The following TM7SF3 variants were observed in gnomAD, a reference collection of about 807,000 sequenced individuals.
TM7SF3 encodes the protein transmembrane 7 superfamily member 3, also known as seven span transmembrane protein.
A neutral mutation model predicts 65.5 loss-of-function variants in TM7SF3; 60 were observed. The ratio of observed to expected loss-of-function variants is 0.92; its 90% confidence interval spans 0.74 to 1.14. The LOEUF is 1.14. Ranked by LOEUF, TM7SF3 falls within the 50% of genes most tolerant of loss-of-function variation. TM7SF3 has a pLI of 0.00. For missense variants in TM7SF3, 623 were observed against 684.8 expected (o/e 0.91, Z 1.01); for synonymous variants, 264 against 259.6 (o/e 1.02, Z -0.16).
chr12:26,987,439 C>T (rs1940149009), intron 6 of TM7SF3, among the ~76,000 whole-genome samples: 1 of 152,146 alleles, frequency 6.6e-6, no homozygotes, highest in Non-Finnish European at 1.5e-5. Context: ...TCATCCAATC[C>T]ATCAGTACAC....
At chr12:26,980,310 A>G in intron 8 of TM7SF3, 3 of 535,294 alleles carry the variant, frequency 5.6e-6, no homozygotes, top group Non-Finnish European at 9.8e-6. Context: ...AACATATCAC[A>G]TAGCCAGAAC....
chr12:26,984,221 G>C (rs1319476716), intron 6 of TM7SF3, among the ~76,000 whole-genome samples: 1 of 152,134 alleles, frequency 6.6e-6, no homozygotes, highest in African/African-American at 2.4e-5. Flanking sequence ...CTTGAGGTCA[G>C]GAGTTTGAGA....
intron 11 of TM7SF3, 49 bp from the exon 12 acceptor site, chr12:26,974,276 C>G: frequency 6.4e-7 from 1 of 1,564,480 alleles, no homozygotes; most frequent in Non-Finnish European, 8.7e-7. Context: ...ATTTTAAAAT[C>G]TAACATAATA....
chr12:26,997,823 C>CTTTTTTT (rs3071165), intron 3 of TM7SF3, among the ~76,000 whole-genome samples: 4 of 114,062 alleles, frequency 3.5e-5, no homozygotes, highest in Non-Finnish European at 5.1e-5. Context: ...TTACCACTTC[C>CTTTTTTT]TTTTTTTTTT....
At position 26,973,115 on chromosome 12, in the gene TM7SF3, T is replaced by G. The variant is rs1484914568; in HGVS notation, c.*850A>C. On this transcript the variant is annotated 3_prime_UTR_variant, in exon 12 of 12. Coordinates refer to ENST00000343028, the MANE Select transcript of TM7SF3 (RefSeq NM_016551.3). ...AAAACAAAGGGTAACTTTTGGATAA[T>G]GTATGATACTAAGAAGGGCATGCAA... 6.6e-6 allele frequency: 1 copy of G among 151,688 alleles called. No individual in the cohort carries two copies. The highest frequency in any genetic ancestry group is 2.1e-4 in the South Asian group (1 of 4,796). The allele number at this position is 151,688 out of a possible 1,614,324, so 9.4% of individuals were successfully genotyped here. A position where few individuals can be genotyped will look rare whatever the true frequency, so the allele number is the denominator to read the frequency against.
chr12:26,999,264 C>T lies in TM7SF3; in HGVS notation c.397+262G>A, dbSNP rs537657113. ...ACAAAAAATTAGCTGGGCCTGGTGG[C>T]GGGCGCCTGTAATCCCAGCTACTTG... On this transcript the variant is annotated intron_variant, in intron 3 of 11. Coordinates refer to ENST00000343028, the MANE Select transcript of TM7SF3 (RefSeq NM_016551.3). Among the ~76,000 whole-genome samples the T allele has an allele frequency of 6.8e-4, 104 of 151,930 alleles. 2 individuals are homozygous for T. Among genetic ancestry groups the T allele is most frequent in the Non-Finnish European group, 1.3e-3 (85 of 67,988 alleles).
chr12:27,003,192 A>C, intron 2 of TM7SF3, 44 bp downstream of exon 2: 2 of 1,464,584 alleles, frequency 1.4e-6, no homozygotes, highest in South Asian at 2.5e-5. Context: ...CCAGACCCCC[A>C]AAATATAGAA....
chr12:27,014,037 A>C, intron 1 of TM7SF3, 41 bp downstream of exon 1: 1 of 1,521,556 alleles, frequency 6.6e-7, no homozygotes. Context: ...AGAAATGCAA[A>C]AGCAACTTTG....
chr12:26,988,671 A>AC (rs1940206173), intron 6 of TM7SF3, among the ~76,000 whole-genome samples: 1 of 99,634 alleles, frequency 1.0e-5, no homozygotes, highest in Non-Finnish European at 2.1e-5. Flanking sequence ...AGAGAAGAAA[A>AC]TTGTGTGTGT....
chr12:26,990,581 G>A lies in TM7SF3; in HGVS notation c.737C>T (p.Ser246Phe). The A allele has an allele frequency of 1.2e-6, 2 of 1,614,100 alleles. No individual in the cohort carries two copies. The highest frequency in any genetic ancestry group is 1.7e-6 in the Non-Finnish European group (2 of 1,179,956). The change falls in exon 6 of 12, where the codon TCC becomes TTC. Residue 246 changes from serine to phenylalanine, a missense_variant. Physicochemically the swap from Ser to Phe is radical, Grantham distance 155. Coordinates refer to ENST00000343028, the MANE Select transcript of TM7SF3 (RefSeq NM_016551.3). The stretch of plus-strand genomic sequence containing the variant: ...GTATATGACACCTTGTCCCGGGAGG[G>A]AGGAGAAGGAAACACTTGTCTTATC... Reference protein sequence around the residue: ...ANDKTSVSFSSLPGQGVIYNV... With the variant: ...ANDKTSVSFSFLPGQGVIYNV...
At chr12:27,001,673 G>C (rs1940836773) in intron 2 of TM7SF3, among the ~76,000 whole-genome samples, 1 of 152,126 alleles carries the variant, frequency 6.6e-6, no homozygotes, top group Admixed American at 6.5e-5. Flanking sequence ...TCATTAGGAA[G>C]AAACACACTG....
Position 27,014,268 on chromosome 12 carries a change from G to C in TM7SF3, c.-100C>G. ...TCGCCCACGCTATCCCGGGGCGCCCGCATCGGGCGCCATCGCCCGCCAGGT... is the reference window on the plus strand; with the variant it reads ...TCGCCCACGCTATCCCGGGGCGCCCCCATCGGGCGCCATCGCCCGCCAGGT... On this transcript the variant is annotated 5_prime_UTR_variant, in exon 1 of 12. Transcript: ENST00000343028. 1 of 1,113,240 alleles carries C rather than the reference G, an allele frequency of 9.0e-7. No homozygotes were observed. Among genetic ancestry groups the C allele is most frequent in the Non-Finnish European group, 1.2e-6 (1 of 823,878 alleles). The allele number at this position is 1,113,240 out of a possible 1,614,324, so 69.0% of individuals were successfully genotyped here. A position where few individuals can be genotyped will look rare whatever the true frequency, so the allele number is the denominator to read the frequency against.
At chr12:27,005,235 G>C (rs539790535) in intron 1 of TM7SF3, among the ~76,000 whole-genome samples, 88 of 152,230 alleles carry the variant, frequency 5.8e-4, no homozygotes, top group Non-Finnish European at 9.6e-4. Flanking sequence ...AAATTAATCA[G>C]ATTTCTATCC....
intron 1 of TM7SF3, among the ~76,000 whole-genome samples, chr12:27,013,252 A>G (rs1296535415): frequency 2.0e-5 from 3 of 152,240 alleles, no homozygotes; most frequent in African/African-American, 4.8e-5. Flanking sequence ...AAACGAATTA[A>G]TATCTCATAG....
Position 26,995,374 on chromosome 12 carries a change from C to G in TM7SF3, c.553G>C (p.Asp185His). The change falls in exon 5 of 12, where the codon GAC (aspartate) becomes CAC (histidine). Residue 185 changes from aspartate (D) to histidine (H), a missense_variant. Transcript: ENST00000343028. ...VDPPPCDAGT[D>H]QDSRWRLQYD... ...TGCAACCTCCACCTGGAGTCCTGGT[C>G]TGTCCCAGCGTCACATGGTGGGGGA... is the stretch of plus-strand genomic sequence containing the variant. 1 of 1,614,220 alleles carries G rather than the reference C, an allele frequency of 6.2e-7. No individual in the cohort carries two copies. The highest frequency in any genetic ancestry group is 8.5e-7 in the Non-Finnish European group (1 of 1,180,040).
At chr12:26,999,137 C>G (rs1940721192) in intron 3 of TM7SF3, among the ~76,000 whole-genome samples, 1 of 152,204 alleles carries the variant, frequency 6.6e-6, no homozygotes, top group Non-Finnish European at 1.5e-5. Flanking sequence ...TGGCTCATGC[C>G]TGCAATCCCA....
At chr12:27,010,017 C>T (rs1014213119) in intron 1 of TM7SF3, among the ~76,000 whole-genome samples, 4 of 152,258 alleles carry the variant, frequency 2.6e-5, no homozygotes, top group East Asian at 1.9e-4. Context: ...GATGTTCCAA[C>T]GTCTAACACA....
chr12:27,014,002 A>G (rs988995924), intron 1 of TM7SF3, 76 bp downstream of exon 1: 21 of 1,253,494 alleles, frequency 1.7e-5, no homozygotes, highest in Non-Finnish European at 2.2e-5. Context: ...AGGCTGACAG[A>G]CCCCTGGCGG....
intron 1 of TM7SF3, 81 bp downstream of exon 1, chr12:27,013,997 G>A: frequency 5.7e-6 from 7 of 1,228,212 alleles, no homozygotes; most frequent in Non-Finnish European, 5.9e-6. Context: ...CTGCTAGGCT[G>A]ACAGACCCCT....
Sources: gnomAD v4.1 joint callset for allele counts (sites outside exome capture counted in the v4.1 genomes callset) on GRCh38, gnomAD v4.1.1 for gene constraint, MANE v1.5 for transcripts, NCBI Gene and HGNC (gene_info 2026-07-23, HGNC 2026-07-21) for gene names.